Variants in CAMK1D observed in about 807,000 individuals in gnomAD.
The protein encoded by CAMK1D is calcium/calmodulin dependent protein kinase ID, also known as calcium/calmodulin-dependent protein kinase type 1D.
Under a neutral mutation model 47.7 loss-of-function variants are expected in CAMK1D, and 9 were observed. The ratio of observed to expected loss-of-function variants is 0.19; its 90% CI spans 0.11 to 0.33. The LOEUF (loss-of-function observed/expected upper bound fraction) is 0.33, where lower values mean the gene tolerates loss of function less well. Ranked by LOEUF, CAMK1D falls within the 10% of genes least tolerant of loss-of-function variation. The pLI is 1.00. For synonymous variants in CAMK1D, 184 were observed against 184.9 expected (o/e 0.99, Z 0.04); for missense variants, 291 against 488.7 (o/e 0.60, Z 3.81).
At chr10:12,809,845 G>A (rs1457355226) in intron 6 of CAMK1D, among the ~76,000 whole-genome samples, 1 of 152,126 alleles carries the variant, frequency 6.6e-6, no homozygotes, top group Non-Finnish European at 1.5e-5. Context: ...CAGTACTGTA[G>A]TGTACACTTA....
intron 2 of CAMK1D, among the ~76,000 whole-genome samples, chr10:12,660,862 C>G (rs1289758581): frequency 6.6e-6 from 1 of 152,184 alleles, no homozygotes; most frequent in African/African-American, 2.4e-5. Flanking sequence ...GAGTCAACAT[C>G]CCTTATGGAT....
intron 2 of CAMK1D, among the ~76,000 whole-genome samples, chr10:12,613,038 G>A (rs1838677183): frequency 6.6e-6 from 1 of 152,056 alleles, no homozygotes; most frequent in African/African-American, 2.4e-5. Context: ...TCGATCATTG[G>A]CAGGAATAAA....
At chr10:12,424,100 T>C (rs1840147027) in intron 1 of CAMK1D, among the ~76,000 whole-genome samples, 1 of 152,156 alleles carries the variant, frequency 6.6e-6, no homozygotes, top group Non-Finnish European at 1.5e-5. Flanking sequence ...CACCACTGCC[T>C]GGTCCCGGGG....
chr10:12,717,870 G>T (rs1156370691), intron 3 of CAMK1D, among the ~76,000 whole-genome samples: 4 of 146,802 alleles, frequency 2.7e-5, no homozygotes, highest in Admixed American at 2.7e-4. Flanking sequence ...CTCCAGCCTG[G>T]GCAACAGAGT....
At chr10:12,691,713 C>T (rs1456747888) in intron 3 of CAMK1D, among the ~76,000 whole-genome samples, 2 of 151,718 alleles carry the variant, frequency 1.3e-5, no homozygotes, top group Non-Finnish European at 2.9e-5. Context: ...GGCCTCCCAA[C>T]GTGCTGGGAT....
At chr10:12,733,093 G>C (rs762582347) in intron 3 of CAMK1D, among the ~76,000 whole-genome samples, 7 of 152,228 alleles carry the variant, frequency 4.6e-5, no homozygotes, top group Non-Finnish European at 7.3e-5. Flanking sequence ...GCGAGACCCT[G>C]TGCCTCCAGT....
intron 1 of CAMK1D, among the ~76,000 whole-genome samples, chr10:12,485,994 A>G (rs1453603555): frequency 6.6e-6 from 1 of 152,272 alleles, no homozygotes; most frequent in Admixed American, 6.5e-5. Context: ...ACCACGGCAG[A>G]GTGCCACAAG....
At chr10:12,652,166 T>G (rs984876635) in intron 2 of CAMK1D, among the ~76,000 whole-genome samples, 1 of 152,118 alleles carries the variant, frequency 6.6e-6, no homozygotes, top group Non-Finnish European at 1.5e-5. Context: ...GAAGAAAGCT[T>G]TTAATTTCAC....
intron 2 of CAMK1D, among the ~76,000 whole-genome samples, chr10:12,603,255 G>C (rs2132393567): frequency 6.6e-6 from 1 of 152,176 alleles, no homozygotes. Flanking sequence ...CTCAAGCTCA[G>C]CATGTCCGCA....
chr10:12,460,151 A>G (rs1027014739), intron 1 of CAMK1D, among the ~76,000 whole-genome samples: 1 of 152,160 alleles, frequency 6.6e-6, no homozygotes, highest in Non-Finnish European at 1.5e-5. Context: ...ACTCCACTGT[A>G]TGGTATATTA....
intron 1 of CAMK1D, among the ~76,000 whole-genome samples, chr10:12,417,926 C>T (rs188192034): frequency 2.1e-3 from 323 of 152,172 alleles, no homozygotes; most frequent in Non-Finnish European, 4.1e-3. Context: ...CTCAGCCTCC[C>T]GAATAGCTGG....
At chr10:12,379,923 G>C (rs756456651) in intron 1 of CAMK1D, among the ~76,000 whole-genome samples, 7 of 152,024 alleles carry the variant, frequency 4.6e-5, no homozygotes, top group Non-Finnish European at 1.0e-4. Context: ...TTAAAAAAAA[G>C]GGTGTTGTTG....
chr10:12,475,617 T>C (rs751756206), intron 1 of CAMK1D, among the ~76,000 whole-genome samples: 2 of 152,198 alleles, frequency 1.3e-5, no homozygotes. Context: ...TTGAGACCCT[T>C]CCTGCAGTTC....
chr10:12,529,460 G>A (rs1835734461), intron 1 of CAMK1D, among the ~76,000 whole-genome samples: 2 of 152,212 alleles, frequency 1.3e-5, no homozygotes, highest in South Asian at 2.1e-4. Flanking sequence ...GCGGCACTAG[G>A]AATAATTATA....
chr10:12,709,652 A>G (rs926516159), intron 3 of CAMK1D, among the ~76,000 whole-genome samples: 3 of 152,174 alleles, frequency 2.0e-5, no homozygotes, highest in Admixed American at 1.3e-4. Flanking sequence ...CTGTCACCCG[A>G]TATCTTGTAT....
At chr10:12,616,811 C>T (rs1280149489) in intron 2 of CAMK1D, among the ~76,000 whole-genome samples, 2 of 152,198 alleles carry the variant, frequency 1.3e-5, no homozygotes, top group South Asian at 2.1e-4. Context: ...GCCACCGCGC[C>T]TGGCCGAGGT....
intron 1 of CAMK1D, among the ~76,000 whole-genome samples, chr10:12,514,308 A>G (rs1430167545): frequency 1.3e-5 from 2 of 152,246 alleles, no homozygotes; most frequent in Non-Finnish European, 1.5e-5. Context: ...CTTATTATGC[A>G]AATTCGGTAG....
At chr10:12,376,825 C>T (rs1343168360) in intron 1 of CAMK1D, among the ~76,000 whole-genome samples, 3 of 151,312 alleles carry the variant, frequency 2.0e-5, no homozygotes, top group Non-Finnish European at 4.4e-5. Flanking sequence ...GTGATCTCGG[C>T]TCACTGCAAT....
chr10:12,737,360 A>G (rs1009876226), intron 3 of CAMK1D, among the ~76,000 whole-genome samples: 2 of 152,176 alleles, frequency 1.3e-5, no homozygotes, highest in African/African-American at 2.4e-5. Flanking sequence ...GAAATTGAAC[A>G]TGGGATATTT....
Sources: allele counts gnomAD v4.1 joint callset (sites outside exome capture counted in the v4.1 genomes callset), GRCh38; gene constraint gnomAD v4.1.1; transcripts MANE v1.5; gene names NCBI Gene and HGNC (gene_info 2026-07-23, HGNC 2026-07-21).